MAGI2: variants seen among roughly 807,000 people sequenced by gnomAD.
MAGI2 encodes membrane associated guanylate kinase, WW and PDZ domain containing 2.
Under a neutral mutation model 133.3 loss-of-function variants are expected in MAGI2, and 35 were observed. That is an observed-to-expected ratio of 0.26 (90% CI 0.20 to 0.35). The LOEUF is 0.35. Ranked by LOEUF, MAGI2 falls within the 10% of genes least tolerant of loss-of-function variation. The pLI is 1.00. For missense variants in MAGI2, 1,636 were observed against 1,863.4 expected (o/e 0.88, Z 2.25); for synonymous variants, 729 against 710.6 (o/e 1.03, Z -0.41).
rs532811080 is a variant in MAGI2, at chr7:78,973,111, T to C, written c.418+33979A>G. On this transcript the variant is annotated intron_variant, in intron 2 of 21. Transcript: ENST00000354212. ...AACAAGGGTTTGCCAGCTGTTCTGA[T>C]TGTCATAAGGCTTCCCCAGGATACA... 3.9e-5 allele frequency among the ~76,000 whole-genome samples: 6 copies of C among 152,030 alleles called. No homozygotes were observed. The East Asian group carries it at 1.2e-3, about 30-fold the overall frequency.
intron 1 of MAGI2, among the ~76,000 whole-genome samples, chr7:79,352,190 A>C (rs548796537): frequency 6.6e-6 from 1 of 152,324 alleles, no homozygotes; most frequent in East Asian, 1.9e-4. Flanking sequence ...ACTAAAAATA[A>C]ACCTTCGGAT....
intron 1 of MAGI2, among the ~76,000 whole-genome samples, chr7:79,381,577 C>A (rs574721073): frequency 6.6e-6 from 1 of 151,540 alleles, no homozygotes; most frequent in South Asian, 2.1e-4. Flanking sequence ...AAATAATGGC[C>A]CATAAAAATC....
chr7:78,050,896 G>A (rs981158761), intron 21 of MAGI2, among the ~76,000 whole-genome samples: 1 of 152,166 alleles, frequency 6.6e-6, no homozygotes, highest in Non-Finnish European at 1.5e-5. Context: ...CACTAACTCA[G>A]CAGCAACCCC....
At chr7:78,449,775 T>A (rs933293205) in intron 6 of MAGI2, among the ~76,000 whole-genome samples, 1 of 152,086 alleles carries the variant, frequency 6.6e-6, no homozygotes, top group Non-Finnish European at 1.5e-5. Flanking sequence ...AAGAGTTTGG[T>A]ATAGACATTA....
intron 1 of MAGI2, among the ~76,000 whole-genome samples, chr7:79,032,962 T>C (rs1215028924): frequency 6.6e-6 from 1 of 152,014 alleles, no homozygotes; most frequent in East Asian, 1.9e-4. Context: ...TGAAGAATGG[T>C]TGTAATAGAA....
At chr7:78,042,377 C>T (rs1257065482) in intron 21 of MAGI2, among the ~76,000 whole-genome samples, 1 of 152,198 alleles carries the variant, frequency 6.6e-6, no homozygotes, top group East Asian at 1.9e-4. Flanking sequence ...CATGGGTGGG[C>T]TGCTACTTTG....
At chr7:78,035,377 C>G (rs1810098219) in intron 21 of MAGI2, among the ~76,000 whole-genome samples, 1 of 136,196 alleles carries the variant, frequency 7.3e-6, no homozygotes, top group South Asian at 2.3e-4. Context: ...AACGAGGGGT[C>G]CCAAGAGAGC....
chr7:79,437,751 T>A (rs1246681044), intron 1 of MAGI2, among the ~76,000 whole-genome samples: 1 of 152,144 alleles, frequency 6.6e-6, no homozygotes, highest in African/African-American at 2.4e-5. Context: ...ACCATATAGC[T>A]GATAAAAGCA....
At chr7:78,866,927 A>G (rs1207807) in intron 2 of MAGI2, among the ~76,000 whole-genome samples, 20,354 of 151,964 alleles carry the variant, frequency 0.13, 1,736 homozygotes, top group Non-Finnish European at 0.2. Context: ...GCAGCCAAAA[A>G]CACATGAAAA....
chr7:79,270,081 G>A (rs1030408677), intron 1 of MAGI2, among the ~76,000 whole-genome samples: 9 of 151,884 alleles, frequency 5.9e-5, no homozygotes, highest in African/African-American at 9.7e-5. Flanking sequence ...GGCCTATGAC[G>A]CATGACTCAA....
At chr7:78,119,532 G>T (rs888214739) in intron 20 of MAGI2, among the ~76,000 whole-genome samples, 1 of 125,636 alleles carries the variant, frequency 8.0e-6, no homozygotes, top group Non-Finnish European at 1.6e-5. Flanking sequence ...CTGCACTCCT[G>T]CCTGGGTGAC....
At chr7:79,280,176 C>A (rs1246486631) in intron 1 of MAGI2, among the ~76,000 whole-genome samples, 1 of 152,116 alleles carries the variant, frequency 6.6e-6, no homozygotes, top group African/African-American at 2.4e-5. Context: ...TACAGAGGCA[C>A]ATGTGAACAT....
At chr7:78,561,309 T>C (rs1000920462) in intron 3 of MAGI2, among the ~76,000 whole-genome samples, 3 of 152,208 alleles carry the variant, frequency 2.0e-5, no homozygotes, top group Non-Finnish European at 4.4e-5. Context: ...GTAGTTGAAA[T>C]AGAATGGCCA....
At chr7:78,472,615 T>G (rs1438181929) in intron 6 of MAGI2, among the ~76,000 whole-genome samples, 1 of 152,154 alleles carries the variant, frequency 6.6e-6, no homozygotes, top group East Asian at 1.9e-4. Flanking sequence ...AGGTAACATG[T>G]GCTCTGAATG....
chr7:78,548,450 C>T (rs1017277053), intron 3 of MAGI2, among the ~76,000 whole-genome samples: 58 of 152,230 alleles, frequency 3.8e-4, no homozygotes, highest in African/African-American at 1.4e-3. Context: ...AATCCCAGCA[C>T]TTTGGAGGCC....
chr7:79,292,920 G>T (rs1006286132), intron 1 of MAGI2, among the ~76,000 whole-genome samples: 2 of 151,862 alleles, frequency 1.3e-5, no homozygotes, highest in African/African-American at 4.8e-5. Context: ...ACTGCTGGGT[G>T]TTGCTTGCCA....
chr7:79,364,169 A>T (rs1278375684), intron 1 of MAGI2, among the ~76,000 whole-genome samples: 2 of 152,040 alleles, frequency 1.3e-5, no homozygotes, highest in Non-Finnish European at 2.9e-5. Context: ...ATTATAAAAA[A>T]CAGTACAGAG....
rs1562973102 is a variant in MAGI2 at position 79,186,225 on chromosome 7, TATATATATATATA to T, written c.302-179032_302-179020del. On this transcript the variant is annotated intron_variant, in intron 1 of 21. Coordinates refer to ENST00000354212, the MANE Select transcript of MAGI2 (RefSeq NM_012301.4). ...ATATATATATATATATATATATATA[TATATATATATATA>T]TATATTTATATTTATTTATTTATAA... Among the ~76,000 whole-genome samples the T allele has an allele frequency of 1.7e-3, 225 of 135,642 alleles. 3 individuals are homozygous for T. The highest frequency in any genetic ancestry group is 6.0e-3 in the African/African-American group (215 of 35,572). The allele number at this position is 135,642 out of a possible 152,430, so 89.0% of individuals were successfully genotyped here.
At chr7:78,080,328 G>A (rs1206438781) in intron 20 of MAGI2, among the ~76,000 whole-genome samples, 1 of 152,232 alleles carries the variant, frequency 6.6e-6, no homozygotes, top group Non-Finnish European at 1.5e-5. Context: ...CAGTGGATGA[G>A]GTTTACCTCA....
Sources: allele counts gnomAD v4.1 joint callset (sites outside exome capture counted in the v4.1 genomes callset), GRCh38; gene constraint gnomAD v4.1.1; transcripts MANE v1.5; gene names NCBI Gene and HGNC (gene_info 2026-07-23, HGNC 2026-07-21).